TOMM34: variants seen among roughly 807,000 people sequenced by gnomAD.
The protein encoded by TOMM34 is mitochondrial import receptor subunit TOM34.
TOMM34 carries 24 observed loss-of-function variants against 37.4 expected under a neutral mutation model. That is an observed-to-expected ratio of 0.64 (90% CI 0.46 to 0.90). The LOEUF (loss-of-function observed/expected upper bound fraction) is 0.90. Ranked by LOEUF, TOMM34 falls within the 40% of genes least tolerant of loss-of-function variation. The pLI is 0.00. For missense variants in TOMM34, 304 were observed against 375.6 expected (o/e 0.81, Z 1.58); for synonymous variants, 154 against 148.9 (o/e 1.03, Z -0.25).
chr20:44,951,997 G>C lies in TOMM34; in HGVS notation c.386C>G (p.Thr129Ser). ...TSAVEGINRM[T>S]RALMDSLGPE... ...CCCAAGCGAGTCCATGAGAGCTCTG[G>C]TCATTCTGGAAAAGAAGGCAGGATT... is the stretch of plus-strand genomic sequence containing the variant. Residue 129 changes from threonine (T) to serine (S), a missense_variant, in exon 4 of 7, where the codon ACC becomes AGC. Thr to Ser is a moderately conservative substitution (Grantham distance 58, BLOSUM62 1). Transcript: ENST00000372813. 1 of 1,603,372 alleles carries C rather than the reference G, an allele frequency of 6.2e-7. No individual in the cohort carries two copies. The highest frequency in any genetic ancestry group is 2.2e-5 in the East Asian group (1 of 44,656).
At chr20:44,958,404 AC>A (rs1299722644) in intron 1 of TOMM34, 1 of 471,408 alleles carries the variant, frequency 2.1e-6, no homozygotes. Context: ...AGTACCCAAA[AC>A]CTGTAATCCA....
At chr20:44,950,891 A>G (rs1263612526) in intron 4 of TOMM34, among the ~76,000 whole-genome samples, 5 of 152,210 alleles carry the variant, frequency 3.3e-5, no homozygotes, top group African/African-American at 1.2e-4. Context: ...GGAGCATTAA[A>G]AGAGCTTCCT....
intron 1 of TOMM34, among the ~76,000 whole-genome samples, chr20:44,958,005 C>T (rs1188600247): frequency 6.6e-6 from 1 of 151,964 alleles, no homozygotes; most frequent in Non-Finnish European, 1.5e-5. Flanking sequence ...TGTGCTCCCT[C>T]CCCAGACTCA....
At chr20:44,956,005 T>C (rs1266762613) in intron 2 of TOMM34, among the ~76,000 whole-genome samples, 1 of 152,200 alleles carries the variant, frequency 6.6e-6, no homozygotes, top group Admixed American at 6.5e-5. Context: ...TCTATTAACC[T>C]CTATTCCTCC....
Position 44,954,855 on chromosome 20 carries a change from A to G in TOMM34, c.380+213T>C, listed in dbSNP as rs1187754924. Among the ~76,000 whole-genome samples the G allele has an allele frequency of 3.3e-5, 5 of 152,338 alleles. No individual in the cohort carries two copies. The South Asian group carries it at 8.3e-4, about 25-fold the overall frequency. ...GATACTGTGAGGCACATGTAGGCAA[A>G]TATCAATCAATCAATCTTAGTAATT... On this transcript the variant is annotated intron_variant, in intron 3 of 6. Coordinates refer to ENST00000372813, the MANE Select transcript of TOMM34 (RefSeq NM_006809.5).
At chr20:44,954,982 C>G (rs778622753) in intron 3 of TOMM34, 86 bp downstream of exon 3, 13 of 1,520,314 alleles carry the variant, frequency 8.6e-6, no homozygotes, top group African/African-American at 1.4e-5. Flanking sequence ...GGGATCCCCT[C>G]AGAAGACAGA....
At chr20:44,958,148 G>GTATATA (rs1157280906) in intron 1 of TOMM34, among the ~76,000 whole-genome samples, 3 of 75,592 alleles carry the variant, frequency 4.0e-5, no homozygotes, top group African/African-American at 1.5e-4. Flanking sequence ...ATATATATGT[G>GTATATA]TGTGTGTGTG....
intron 1 of TOMM34, among the ~76,000 whole-genome samples, chr20:44,958,144 A>ATG (rs145616616): frequency 0.025 from 3,616 of 146,922 alleles, 118 homozygotes; most frequent in African/African-American, 0.072. Flanking sequence ...ATGTATATAT[A>ATG]TGTGTGTGTG....
intron 4 of TOMM34, among the ~76,000 whole-genome samples, chr20:44,950,507 T>G (rs1166436187): frequency 6.6e-6 from 1 of 152,190 alleles, no homozygotes; most frequent in Non-Finnish European, 1.5e-5. Context: ...TCACACTGCT[T>G]AGCATACACA....
At position 44,958,286 on chromosome 20, in the gene TOMM34, C is replaced by T. The variant is rs77840809; in HGVS notation, c.128-1801G>A. On this transcript the variant is annotated intron_variant, in intron 1 of 6. Coordinates refer to ENST00000372813, the MANE Select transcript of TOMM34 (RefSeq NM_006809.5). ...CTGTTGCCATGTTGATATTTGATAT[C>T]TTTCATTCAATACCAACAATAACAA... The T allele has an allele frequency of 2.0e-3, 903 of 462,380 alleles. 5 individuals are homozygous for T. The highest frequency in any genetic ancestry group is 0.016 in the African/African-American group (775 of 49,850). 28.6% of individuals were successfully genotyped at this position (462,380 alleles called of 1,614,324 possible).
chr20:44,960,363 C>A lies in TOMM34; in HGVS notation c.-30G>T. On this transcript the variant is annotated 5_prime_UTR_variant, in exon 1 of 7. Coordinates refer to ENST00000372813, the MANE Select transcript of TOMM34 (RefSeq NM_006809.5). The stretch of plus-strand genomic sequence containing the variant: ...TGGCCAGGCCGGCGAGTTGGGAGCT[C>A]CTTCCTTCCTCCCCCGTGTGGTGCG... The A allele has an allele frequency of 6.5e-7, 1 of 1,533,974 alleles. No individual in the cohort carries two copies. Among genetic ancestry groups the A allele is most frequent in the Middle Eastern group, 1.7e-4 (1 of 5,842 alleles).
chr20:44,954,640 T>C (rs1381547488), intron 3 of TOMM34, among the ~76,000 whole-genome samples: 1 of 152,212 alleles, frequency 6.6e-6, no homozygotes, highest in Non-Finnish European at 1.5e-5. Flanking sequence ...CAGTGCAATA[T>C]ACTGAACCAT....
In TOMM34 at chr20:44,956,372, C is replaced by T; in HGVS notation, c.227+14G>A. ...AGACCCTCAGGCATCCCAAAATTAC[C>T]CTTGGCCACTTACGAAGTGCAATCT... On this transcript the variant is annotated intron_variant, in intron 2 of 6. Coordinates refer to ENST00000372813, the MANE Select transcript of TOMM34 (RefSeq NM_006809.5). The T allele has an allele frequency of 6.2e-7, 1 of 1,613,752 alleles. No individual in the cohort carries two copies. Among genetic ancestry groups the T allele is most frequent in the Non-Finnish European group, 8.5e-7 (1 of 1,179,780 alleles).
rs548760063 is a variant in TOMM34, at chr20:44,958,526, C to T, written c.127+1681G>A. 5 of 376,462 alleles carry T rather than the reference C, an allele frequency of 1.3e-5. No homozygotes were observed. The East Asian group carries it at 3.7e-4, about 28-fold the overall frequency. 23.3% of individuals were successfully genotyped at this position (376,462 alleles called of 1,614,324 possible). On this transcript the variant is annotated intron_variant, in intron 1 of 6. Coordinates refer to ENST00000372813, the MANE Select transcript of TOMM34 (RefSeq NM_006809.5). ...CATCCCTCTGATCATGCGTGCCCAC[C>T]TACCACATGAGGATATCACTTCATA... is the stretch of plus-strand genomic sequence containing the variant.
At chr20:44,959,914 C>G in intron 1 of TOMM34, 3 of 985,058 alleles carry the variant, frequency 3.0e-6, no homozygotes, top group Non-Finnish European at 3.6e-6. Flanking sequence ...CGGTATATAA[C>G]AGCTACTCAA....
intron 5 of TOMM34, among the ~76,000 whole-genome samples, chr20:44,945,300 C>A (rs1178492472): frequency 6.6e-6 from 1 of 152,182 alleles, no homozygotes; most frequent in African/African-American, 2.4e-5. Context: ...CTTCTTGTAA[C>A]AACTTAAAAG....
rs2066945124 is a variant in TOMM34 at position 44,942,672 on chromosome 20, G to A, written c.*437C>T. 4.8e-6 allele frequency: 1 copy of A among 208,234 alleles called. No individual in the cohort carries two copies. The allele number at this position is 208,234 out of a possible 1,614,324, so 12.9% of individuals were successfully genotyped here. On this transcript the variant is annotated 3_prime_UTR_variant, in exon 7 of 7. Coordinates refer to ENST00000372813, the MANE Select transcript of TOMM34 (RefSeq NM_006809.5). ...AGGCTGCTTTGGATCAGGGCCTTAGGTTTATCCCCCTCCTTCCACCCCGGC... is the reference window on the plus strand; with the variant it reads ...AGGCTGCTTTGGATCAGGGCCTTAGATTTATCCCCCTCCTTCCACCCCGGC...
At chr20:44,959,619 G>GC (rs1289354812) in intron 1 of TOMM34, among the ~76,000 whole-genome samples, 1 of 145,580 alleles carries the variant, frequency 6.9e-6, no homozygotes, top group Non-Finnish European at 1.6e-5. Context: ...TCGTCTTGGA[G>GC]GGGGGGCCTT....
intron 2 of TOMM34, among the ~76,000 whole-genome samples, chr20:44,955,875 T>A (rs545074938): frequency 1.6e-4 from 25 of 152,360 alleles, no homozygotes; most frequent in African/African-American, 5.1e-4. Context: ...TGTGAGAGTT[T>A]AATGATGATA....
Sources: allele counts gnomAD v4.1 joint callset (sites outside exome capture counted in the v4.1 genomes callset), GRCh38; gene constraint gnomAD v4.1.1; transcripts MANE v1.5; gene names NCBI Gene and HGNC (gene_info 2026-07-23, HGNC 2026-07-21).